Variants in CEP112 observed in about 807,000 individuals in gnomAD.
The protein encoded by CEP112 is centrosomal protein 112, also known as centrosomal protein of 112 kDa.
Under a neutral mutation model 153.0 loss-of-function variants are expected in CEP112, and 127 were observed. The ratio of observed to expected loss-of-function variants is 0.83; its 90% confidence interval spans 0.72 to 0.96. The LOEUF (loss-of-function observed/expected upper bound fraction) is 0.96, where lower values mean the gene tolerates loss of function less well. Ranked by LOEUF, CEP112 falls within the 40% of genes least tolerant of loss-of-function variation. The pLI, the probability that CEP112 is intolerant of heterozygous loss-of-function variation, is 0.00. For missense variants in CEP112, 1,089 were observed against 1,101.2 expected (o/e 0.99, Z 0.16); for synonymous variants, 358 against 374.4 (o/e 0.96, Z 0.51).
At chr17:66,029,312 A>AC in intron 13 of CEP112, 60 bp from the exon 14 acceptor site, 1 of 1,170,596 alleles carries the variant, frequency 8.5e-7, no homozygotes, top group South Asian at 1.6e-5. Flanking sequence ...CTAAAATGAA[A>AC]TTTTTTAATC....
At chr17:65,971,714 A>G (rs920917239) in intron 17 of CEP112, among the ~76,000 whole-genome samples, 3 of 152,208 alleles carry the variant, frequency 2.0e-5, no homozygotes, top group East Asian at 3.9e-4. Context: ...TATTACATGC[A>G]TGCATAAATA....
chr17:65,923,507 T>C (rs1158004809), intron 19 of CEP112, among the ~76,000 whole-genome samples: 2 of 152,208 alleles, frequency 1.3e-5, no homozygotes, highest in Non-Finnish European at 2.9e-5. Context: ...ATCATGCCAC[T>C]GCACTCCTGC....
rs115165432 is a variant in CEP112 at position 65,684,731 on chromosome 17, C to T, written c.2697+4398G>A. On this transcript the variant is annotated intron_variant, in intron 24 of 26. Coordinates refer to ENST00000535342, the MANE Select transcript of CEP112 (RefSeq NM_001199165.4). ...TATATCCATTTTACGCAGTGTTTAA[C>T]GCAGTGGAAAATAATATTCTGGGAG... Among the ~76,000 whole-genome samples the T allele has an allele frequency of 9.6e-3, 1,456 of 152,252 alleles. 24 individuals are homozygous for T. Among genetic ancestry groups the T allele is most frequent in the African/African-American group, 0.033 (1,363 of 41,522 alleles).
At chr17:65,724,746 T>C (rs955172380) in intron 23 of CEP112, among the ~76,000 whole-genome samples, 7 of 152,198 alleles carry the variant, frequency 4.6e-5, no homozygotes, top group Non-Finnish European at 7.3e-5. Flanking sequence ...AGTCAGGTGT[T>C]AAAGTTCTAC....
Position 66,069,992 on chromosome 17 carries a change from T to G in CEP112, c.778A>C (p.Lys260Gln). ...AATTTAGCTTCCATCATTTTTGTTT[T>G]CATGTCCAGCTTCAAGAAAAATATT... ...SRIREKELDM[K>Q]TKMMEAKFHE... The change falls in exon 9 of 27, where the codon AAA (lysine) becomes CAA (glutamine). Residue 260 changes from lysine (K) to glutamine (Q), a missense_variant. Transcript: ENST00000535342. 6.3e-7 allele frequency: 1 copy of G among 1,599,552 alleles called. No individual in the cohort carries two copies. Among genetic ancestry groups the G allele is most frequent in the Non-Finnish European group, 8.5e-7 (1 of 1,169,708 alleles).
At chr17:65,755,410 C>A (rs1216259546) in intron 21 of CEP112, among the ~76,000 whole-genome samples, 1 of 152,158 alleles carries the variant, frequency 6.6e-6, no homozygotes, top group Non-Finnish European at 1.5e-5. Flanking sequence ...CCACTTCCCA[C>A]CAGGCCCCAC....
chr17:65,676,417 A>G (rs2047238635), intron 24 of CEP112, among the ~76,000 whole-genome samples: 1 of 152,182 alleles, frequency 6.6e-6, no homozygotes, highest in Non-Finnish European at 1.5e-5. Context: ...GAAGATGTTA[A>G]AGATATCTTC....
intron 18 of CEP112, among the ~76,000 whole-genome samples, chr17:65,935,193 T>A (rs1351206279): frequency 6.6e-6 from 1 of 152,194 alleles, no homozygotes; most frequent in Non-Finnish European, 1.5e-5. Flanking sequence ...CATATAGTGA[T>A]AAGGGGCTCC....
intron 21 of CEP112, among the ~76,000 whole-genome samples, chr17:65,837,148 C>T (rs531329232): frequency 6.6e-6 from 1 of 152,288 alleles, no homozygotes; most frequent in East Asian, 1.9e-4. Flanking sequence ...GATCTCGGCT[C>T]GCTACAACCT....
intron 5 of CEP112, among the ~76,000 whole-genome samples, chr17:66,130,502 A>G (rs571264159): frequency 2.5e-3 from 385 of 152,224 alleles, no homozygotes; most frequent in Non-Finnish European, 4.1e-3. Flanking sequence ...ATGGTTGGGC[A>G]CAGTGGCTCA....
chr17:66,120,240 G>A (rs997384153), intron 6 of CEP112, among the ~76,000 whole-genome samples: 1 of 151,956 alleles, frequency 6.6e-6, no homozygotes, highest in Non-Finnish European at 1.5e-5. Flanking sequence ...TCACTCCATC[G>A]CCCAGGCTGG....
chr17:66,102,388 T>C (rs1459823467), intron 6 of CEP112, among the ~76,000 whole-genome samples: 1 of 152,144 alleles, frequency 6.6e-6, no homozygotes, highest in Non-Finnish European at 1.5e-5. Flanking sequence ...ATTCAATCAA[T>C]ATATAACTAT....
intron 21 of CEP112, among the ~76,000 whole-genome samples, chr17:65,814,983 T>G (rs887362129): frequency 3.3e-5 from 5 of 152,176 alleles, no homozygotes; most frequent in Non-Finnish European, 7.4e-5. Flanking sequence ...TAGTTTGTCT[T>G]TTTATTTTCT....
intron 23 of CEP112, among the ~76,000 whole-genome samples, chr17:65,728,528 C>G (rs764414295): frequency 3.7e-4 from 57 of 152,108 alleles, no homozygotes; most frequent in Non-Finnish European, 7.9e-4. Flanking sequence ...TCAATTTCAT[C>G]AAGGACATGG....
intron 17 of CEP112, among the ~76,000 whole-genome samples, chr17:65,990,763 G>A (rs1247806535): frequency 1.3e-5 from 2 of 152,224 alleles, no homozygotes; most frequent in Non-Finnish European, 2.9e-5. Flanking sequence ...CAGAGCCAGT[G>A]GACTAGAGGG....
intron 4 of CEP112, among the ~76,000 whole-genome samples, chr17:66,153,212 T>C (rs2071281270): frequency 6.6e-6 from 1 of 152,078 alleles, no homozygotes; most frequent in Non-Finnish European, 1.5e-5. Context: ...GAAAAACATA[T>C]GTCCGAATAA....
At chr17:66,063,499 A>C (rs1482901144) in intron 10 of CEP112, among the ~76,000 whole-genome samples, 1 of 152,096 alleles carries the variant, frequency 6.6e-6, no homozygotes, top group African/African-American at 2.4e-5. Flanking sequence ...ATTGAGAAGC[A>C]GGGGGTGGAA....
chr17:66,180,096 T>G (rs1305847051), intron 2 of CEP112, among the ~76,000 whole-genome samples: 3 of 152,152 alleles, frequency 2.0e-5, no homozygotes, highest in Non-Finnish European at 4.4e-5. Flanking sequence ...GCAAGTATTT[T>G]GCTGAGGATT....
chr17:65,932,370 T>C (rs1163661526), intron 18 of CEP112, among the ~76,000 whole-genome samples: 2 of 151,928 alleles, frequency 1.3e-5, no homozygotes, highest in Non-Finnish European at 1.5e-5. Context: ...ATCAAGGAAA[T>C]ATACGCCACA....
Sources: allele counts gnomAD v4.1 joint callset (sites outside exome capture counted in the v4.1 genomes callset), GRCh38; gene constraint gnomAD v4.1.1; transcripts MANE v1.5; gene names NCBI Gene and HGNC (gene_info 2026-07-23, HGNC 2026-07-21).